Variants in SRGAP1 observed in about 807,000 individuals in gnomAD.
The protein encoded by SRGAP1 is SLIT-ROBO Rho GTPase-activating protein 1.
A neutral mutation model predicts 121.9 loss-of-function variants in SRGAP1; 43 were observed. The observed-to-expected ratio is 0.35, with a 90% CI of 0.28 to 0.46. SRGAP1 has a LOEUF of 0.46. Ranked by LOEUF, SRGAP1 falls within the 20% of genes least tolerant of loss-of-function variation. SRGAP1 has a pLI of 1.00. For missense variants in SRGAP1, 1,102 were observed against 1,350.9 expected (o/e 0.82, Z 2.89); for synonymous variants, 447 against 485.4 (o/e 0.92, Z 1.04).
chr12:64,127,961 T>G lies in SRGAP1; in HGVS notation c.2641T>G (p.Ser881Ala). The change falls in exon 21 of 22, where the codon TCA (serine) becomes GCA (alanine). Residue 881 changes from serine (S) to alanine (A), a missense_variant. Physicochemically the swap from Ser to Ala is moderately conservative, Grantham distance 99. This residue lies in a region of SRGAP1 where 315 missense variants were observed against 343.1 expected (regional missense o/e 0.92). Transcript: ENST00000355086. ...CCCTCCACATGCCCTTTCTAACTCC[T>G]CAGTTGACCTAGGGTCCCCAAGCCT... is the stretch of plus-strand genomic sequence containing the variant. ...LHPPHALSNS[S>A]VDLGSPSLAS... The G allele has an allele frequency of 6.2e-7, 1 of 1,614,166 alleles. No individual in the cohort carries two copies. The highest frequency in any genetic ancestry group is 1.1e-5 in the South Asian group (1 of 91,080).
intron 4 of SRGAP1, among the ~76,000 whole-genome samples, chr12:64,025,261 G>C (rs1326889591): frequency 6.6e-6 from 1 of 152,006 alleles, no homozygotes; most frequent in Non-Finnish European, 1.5e-5. Context: ...GGGAAACTTT[G>C]TTGGCTGGTT....
intron 1 of SRGAP1, among the ~76,000 whole-genome samples, chr12:63,936,702 C>T (rs7295879): frequency 0.011 from 1,686 of 152,234 alleles, 6 homozygotes; most frequent in Non-Finnish European, 0.014. Context: ...TGTAAGATAA[C>T]TAATTTCCTT....
intron 1 of SRGAP1, among the ~76,000 whole-genome samples, chr12:63,845,619 C>A (rs1426736438): frequency 2.1e-5 from 3 of 140,792 alleles, no homozygotes; most frequent in South Asian, 4.7e-4. Flanking sequence ...TGAAGGAAAC[C>A]TAATTAAGGC....
At chr12:64,078,038 C>T (rs563057790) in intron 8 of SRGAP1, among the ~76,000 whole-genome samples, 1 of 152,184 alleles carries the variant, frequency 6.6e-6, no homozygotes, top group South Asian at 2.1e-4. Context: ...ATATTCAAAC[C>T]ACAGTGAGAT....
intron 1 of SRGAP1, among the ~76,000 whole-genome samples, chr12:63,857,140 C>T (rs1446128090): frequency 6.6e-6 from 1 of 150,914 alleles, no homozygotes; most frequent in Non-Finnish European, 1.5e-5. Context: ...AGTGCACTGG[C>T]GTGATCTCGG....
At chr12:63,873,463 G>A (rs547589994) in intron 1 of SRGAP1, among the ~76,000 whole-genome samples, 2 of 150,092 alleles carry the variant, frequency 1.3e-5, no homozygotes, top group South Asian at 4.2e-4. Context: ...AACCCAGGAG[G>A]CAGAAGTTGC....
chr12:64,064,420 G>C (rs1304870494), intron 7 of SRGAP1, among the ~76,000 whole-genome samples: 1 of 152,176 alleles, frequency 6.6e-6, no homozygotes, highest in East Asian at 1.9e-4. Flanking sequence ...CAAAACCTAA[G>C]ATAAGTGACT....
chr12:64,087,031 GA>G lies in SRGAP1; in HGVS notation c.1436+9del. 1 of 1,583,932 alleles carries G rather than the reference GA, an allele frequency of 6.3e-7. No homozygotes were observed. Among genetic ancestry groups the G allele is most frequent in the Non-Finnish European group, 8.6e-7 (1 of 1,161,954 alleles). On this transcript the variant is annotated splice_donor_region_variant and intron_variant, in intron 11 of 21. Transcript: ENST00000355086. ...AGCTGAATATATGACTACAAGGTAG[GA>G]AAATATTTTATCATAACTTATAGCG...
intron 11 of SRGAP1, among the ~76,000 whole-genome samples, chr12:64,089,224 G>A (rs2036002794): frequency 6.6e-6 from 1 of 152,160 alleles, no homozygotes; most frequent in Non-Finnish European, 1.5e-5. Flanking sequence ...GCCAGGTATA[G>A]GACAACTTAG....
At position 64,039,628 on chromosome 12, in the gene SRGAP1, C is replaced by CGTGT. The variant is rs6144742; in HGVS notation, c.490-3133_490-3130dup. On this transcript the variant is annotated intron_variant, in intron 4 of 21. Coordinates refer to ENST00000355086, the MANE Select transcript of SRGAP1 (RefSeq NM_020762.4). ...AGCAAGAATACAGACAGCTGAGCAACGTGTGTGTGTGTGTGTGTGTGTGTG... is the reference window on the plus strand; with the variant it reads ...AGCAAGAATACAGACAGCTGAGCAACGTGTGTGTGTGTGTGTGTGTGTGTGTGTG... 2.9e-3 allele frequency among the ~76,000 whole-genome samples: 383 copies of CGTGT among 130,882 alleles called. 13 individuals are homozygous for CGTGT. Among genetic ancestry groups the CGTGT allele is most frequent in the African/African-American group, 7.9e-3 (290 of 36,716 alleles). The allele number at this position is 130,882 out of a possible 152,430, so 85.9% of individuals were successfully genotyped here.
intron 1 of SRGAP1, among the ~76,000 whole-genome samples, chr12:63,927,730 C>G (rs1469854130): frequency 1.3e-5 from 2 of 152,072 alleles, no homozygotes; most frequent in Non-Finnish European, 2.9e-5. Flanking sequence ...GGTAGTTGCT[C>G]TCACCTGTGT....
At chr12:63,960,831 G>A (rs1255192421) in intron 1 of SRGAP1, among the ~76,000 whole-genome samples, 2 of 152,126 alleles carry the variant, frequency 1.3e-5, no homozygotes, top group East Asian at 3.9e-4. Flanking sequence ...CCAGGGCCAG[G>A]GGATGTCAGC....
Position 64,044,674 on chromosome 12 carries a change from C to CTTTTTTTTTTTTTTTTTTTTTTTTTT in SRGAP1, c.801+1124_801+1125insTTTTTTTTTTTTTTTTTTTTTTTTTT, listed in dbSNP as rs558248193. ...AGCTTATTAACACTCTGATGTGCCT[C>CTTTTTTTTTTTTTTTTTTTTTTTTTT]TTTTTTTTTTTTTTTTTTTTTTTTT... On this transcript the variant is annotated intron_variant, in intron 6 of 21. Coordinates refer to ENST00000355086, the MANE Select transcript of SRGAP1 (RefSeq NM_020762.4). 5.0e-4 allele frequency among the ~76,000 whole-genome samples: 36 copies of CTTTTTTTTTTTTTTTTTTTTTTTTTT among 72,112 alleles called. 2 individuals are homozygous for CTTTTTTTTTTTTTTTTTTTTTTTTTT. The highest frequency in any genetic ancestry group is 1.0e-3 in the East Asian group (3 of 2,884). The allele number at this position is 72,112 out of a possible 152,430, so 47.3% of individuals were successfully genotyped here.
intron 2 of SRGAP1, 42 bp from the exon 3 acceptor site, chr12:63,989,868 A>C: frequency 1.3e-6 from 2 of 1,551,802 alleles, no homozygotes; most frequent in Non-Finnish European, 8.7e-7. Context: ...GATTGGGGCA[A>C]CTTTGAAATG....
chr12:64,039,633 G>A (rs902443792), intron 4 of SRGAP1, among the ~76,000 whole-genome samples: 1 of 129,526 alleles, frequency 7.7e-6, no homozygotes, highest in African/African-American at 3.4e-5. Context: ...AGCAACGTGT[G>A]TGTGTGTGTG....
intron 3 of SRGAP1, among the ~76,000 whole-genome samples, chr12:63,996,773 A>G (rs1593018134): frequency 6.6e-6 from 1 of 152,222 alleles, no homozygotes; most frequent in East Asian, 1.9e-4. Context: ...TAGGGCCTGG[A>G]TAAATAAGAA....
intron 2 of SRGAP1, among the ~76,000 whole-genome samples, chr12:63,988,980 T>G (rs958958655): frequency 9.2e-5 from 14 of 152,116 alleles, no homozygotes; most frequent in African/African-American, 3.4e-4. Flanking sequence ...CCGGCTGATT[T>G]TTGTATTTTT....
intron 1 of SRGAP1, among the ~76,000 whole-genome samples, chr12:63,898,349 A>G (rs933931392): frequency 6.6e-6 from 1 of 152,230 alleles, no homozygotes; most frequent in Non-Finnish European, 1.5e-5. Flanking sequence ...CTAAGTTATA[A>G]GAGAATTACG....
At chr12:64,020,201 C>T (rs911676903) in intron 4 of SRGAP1, among the ~76,000 whole-genome samples, 5 of 152,084 alleles carry the variant, frequency 3.3e-5, no homozygotes, top group African/African-American at 7.2e-5. Context: ...TAGAGAGAGA[C>T]GCCCTATGGT....
Sources: allele counts gnomAD v4.1 joint callset (sites outside exome capture counted in the v4.1 genomes callset), GRCh38; gene constraint gnomAD v4.1.1; regional missense constraint gnomAD v4.1.1; transcripts MANE v1.5; gene names NCBI Gene and HGNC (gene_info 2026-07-23, HGNC 2026-07-21).